Variants in CPPED1 observed in about 807,000 individuals in gnomAD.
CPPED1 encodes calcineurin like phosphoesterase domain containing 1.
CPPED1 carries 28 observed loss-of-function variants against 28.0 expected under a neutral mutation model. That is an observed-to-expected ratio of 1.00 (90% confidence interval 0.74 to 1.37). The LOEUF is 1.37. Ranked by LOEUF, CPPED1 falls within the 40% of genes most tolerant of loss-of-function variation. The pLI is 0.00. For missense variants in CPPED1, 504 were observed against 416.5 expected (o/e 1.21, Z -1.83); for synonymous variants, 198 against 180.2 (o/e 1.10, Z -0.79).
intron 2 of CPPED1, among the ~76,000 whole-genome samples, chr16:12,715,963 C>A (rs1043127104): frequency 1.3e-5 from 2 of 152,122 alleles, no homozygotes; most frequent in Admixed American, 6.5e-5. Flanking sequence ...AGACTGGACA[C>A]CCCTGGTTTA....
At chr16:12,787,403 T>C (rs565851928) in intron 1 of CPPED1, among the ~76,000 whole-genome samples, 1,710 of 83,202 alleles carry the variant, frequency 0.021, 35 homozygotes, top group African/African-American at 0.065. Flanking sequence ...GAATTTTTCT[T>C]TCTTTTTTTT....
intron 3 of CPPED1, among the ~76,000 whole-genome samples, chr16:12,689,708 A>G (rs553247386): frequency 2.2e-4 from 34 of 152,326 alleles, no homozygotes; most frequent in African/African-American, 7.9e-4. Flanking sequence ...ATCGGCAAAT[A>G]AGGCTCTCAC....
At chr16:12,667,530 A>G (rs2079832146) in intron 3 of CPPED1, among the ~76,000 whole-genome samples, 1 of 152,200 alleles carries the variant, frequency 6.6e-6, no homozygotes, top group Admixed American at 6.5e-5. Context: ...GAGGTGCAAG[A>G]ATTGCTTGAT....
rs959295487 is a variant in CPPED1, at chr16:12,704,699, C to T, written c.640G>A (p.Asp214Asn). ...QHIPLFLESI[D>N]EDDDYYFNLS... ...TTGAAGTAGTAGTCGTCGTCCTCGT[C>T]GATGCTCTCCAGGAACAGCGGGATG... Residue 214 changes from aspartate (D) to asparagine (N), a missense_variant, in exon 3 of 4, where the codon GAC becomes AAC. Asp to Asn is a conservative substitution (Grantham distance 23, BLOSUM62 1). Transcript: ENST00000381774. 1.5e-5 allele frequency: 25 copies of T among 1,614,092 alleles called. No homozygotes were observed. The highest frequency in any genetic ancestry group is 1.6e-4 in the Middle Eastern group (1 of 6,084).
At chr16:12,678,818 AT>A (rs35908013) in intron 3 of CPPED1, among the ~76,000 whole-genome samples, 108 of 152,294 alleles carry the variant, frequency 7.1e-4, no homozygotes, top group Non-Finnish European at 1.3e-3. Context: ...GTTAAAAAAA[AT>A]CGTATCATCT....
chr16:12,699,454 C>A (rs1567279727), intron 3 of CPPED1, among the ~76,000 whole-genome samples: 2 of 152,130 alleles, frequency 1.3e-5, no homozygotes, highest in Non-Finnish European at 2.9e-5. Flanking sequence ...TCCCGGTGGT[C>A]CACTGCACAG....
intron 3 of CPPED1, among the ~76,000 whole-genome samples, chr16:12,686,442 C>T (rs979346207): frequency 2.0e-5 from 3 of 152,160 alleles, no homozygotes; most frequent in Non-Finnish European, 4.4e-5. Flanking sequence ...CCCCTGCTGT[C>T]CAAGAGGCCG....
At chr16:12,714,940 T>A (rs1339754032) in intron 2 of CPPED1, among the ~76,000 whole-genome samples, 2 of 142,056 alleles carry the variant, frequency 1.4e-5, no homozygotes, top group African/African-American at 5.1e-5. Context: ...TTCTTTGGGC[T>A]TTGATCCATT....
chr16:12,735,417 G>A (rs933003186), intron 2 of CPPED1, among the ~76,000 whole-genome samples: 8 of 152,316 alleles, frequency 5.3e-5, no homozygotes, highest in African/African-American at 7.2e-5. Flanking sequence ...TTAGCGTTCC[G>A]CCTCAGCCTC....
At chr16:12,689,803 T>C (rs57906065) in intron 3 of CPPED1, among the ~76,000 whole-genome samples, 27,897 of 152,024 alleles carry the variant, frequency 0.18, 4,112 homozygotes, top group African/African-American at 0.41. Flanking sequence ...CTTATGAAGA[T>C]TGATAAAATC....
At chr16:12,782,064 C>CAAA (rs1419718654) in intron 1 of CPPED1, among the ~76,000 whole-genome samples, 1 of 151,998 alleles carries the variant, frequency 6.6e-6, no homozygotes, top group East Asian at 1.9e-4. Flanking sequence ...GGTGGGGACT[C>CAAA]TTTTATGTTC....
At chr16:12,740,919 G>A (rs1488324857) in intron 2 of CPPED1, among the ~76,000 whole-genome samples, 1 of 152,166 alleles carries the variant, frequency 6.6e-6, no homozygotes, top group African/African-American at 2.4e-5. Flanking sequence ...GTTACCTGCA[G>A]GCAAACACTC....
chr16:12,711,081 C>T (rs1057392607), intron 2 of CPPED1, among the ~76,000 whole-genome samples: 7 of 152,276 alleles, frequency 4.6e-5, no homozygotes, highest in Non-Finnish European at 1.0e-4. Context: ...ATGGAAGCAA[C>T]CCAAATATCC....
At position 12,704,955 on chromosome 16, in the gene CPPED1, A is replaced by G. The variant is rs1261150300; in HGVS notation, c.384T>C (p.His128=). ...AIPLVLVSGN[H]DIGNTPTAET... ...CGGCCGTGGGGGTGTTGCCAATGTC[A>G]TGGTTGCCGCTGACAAGGACCAGTG... The change falls in exon 3 of 4, where the codon CAT becomes CAC. Residue 128 remains histidine (H), a synonymous_variant. Coordinates refer to ENST00000381774, the MANE Select transcript of CPPED1 (RefSeq NM_018340.3). The G allele has an allele frequency of 6.2e-7, 1 of 1,614,044 alleles. No individual in the cohort carries two copies. Among genetic ancestry groups the G allele is most frequent in the South Asian group, 1.1e-5 (1 of 91,074 alleles).
intron 2 of CPPED1, among the ~76,000 whole-genome samples, chr16:12,767,897 G>C (rs927549596): frequency 5.9e-5 from 9 of 152,192 alleles, no homozygotes; most frequent in African/African-American, 2.2e-4. Context: ...GAAGGTTGCA[G>C]TGAGCAGAGA....
At chr16:12,714,745 G>A (rs1226832373) in intron 2 of CPPED1, among the ~76,000 whole-genome samples, 1 of 152,114 alleles carries the variant, frequency 6.6e-6, no homozygotes, top group African/African-American at 2.4e-5. Context: ...TTGGTGGGCT[G>A]TCTTTTCACT....
rs144200205 is a variant in CPPED1 at position 12,666,549 on chromosome 16, C to T, written c.716-1434G>A. On this transcript the variant is annotated intron_variant, in intron 3 of 3. Transcript: ENST00000381774. Reference sequence around the variant, plus strand: ...TTTTTTTTAAAGACCTGATTTGTCACATTTGTCAATTTCCATGGTGTAAAT... The same window carrying T: ...TTTTTTTTAAAGACCTGATTTGTCATATTTGTCAATTTCCATGGTGTAAAT... Among the ~76,000 whole-genome samples the T allele has an allele frequency of 2.3e-3, 344 of 152,262 alleles. 1 individual carries two copies. The highest frequency in any genetic ancestry group is 7.8e-3 in the African/African-American group (322 of 41,548).
At chr16:12,707,597 G>C (rs887347964) in intron 2 of CPPED1, among the ~76,000 whole-genome samples, 10 of 152,248 alleles carry the variant, frequency 6.6e-5, no homozygotes, top group Admixed American at 6.5e-4. Flanking sequence ...AACTGAGGCA[G>C]GTATGGAAAA....
chr16:12,714,632 G>A (rs1567284134), intron 2 of CPPED1, among the ~76,000 whole-genome samples: 1 of 152,074 alleles, frequency 6.6e-6, no homozygotes, highest in East Asian at 1.9e-4. Flanking sequence ...TTTCAGTTGG[G>A]TTATTTGTCT....
Sources: allele counts gnomAD v4.1 joint callset (sites outside exome capture counted in the v4.1 genomes callset), GRCh38; gene constraint gnomAD v4.1.1; transcripts MANE v1.5; gene names NCBI Gene and HGNC (gene_info 2026-07-23, HGNC 2026-07-21).